Variants in DPYD observed in about 807,000 individuals in gnomAD.
The protein encoded by DPYD is dihydropyrimidine dehydrogenase [NADP(+)].
A neutral mutation model predicts 116.2 loss-of-function variants in DPYD; 109 were observed. The observed-to-expected ratio is 0.94, with a 90% CI of 0.80 to 1.10. DPYD has a LOEUF of 1.10. Ranked by LOEUF, DPYD falls within the 50% of genes least tolerant of loss-of-function variation. The pLI, the probability that DPYD is intolerant of heterozygous loss-of-function variation, is 0.00. For missense variants in DPYD, 1,302 were observed against 1,254.5 expected, an observed-to-expected ratio of 1.04 and a Z score of -0.57; for synonymous variants, 440 against 432.0, an observed-to-expected ratio of 1.02 and a Z score of -0.23.
intron 8 of DPYD, among the ~76,000 whole-genome samples, chr1:97,642,772 C>T (rs1658009421): frequency 6.7e-6 from 1 of 148,772 alleles, no homozygotes; most frequent in Admixed American, 6.7e-5. Context: ...AGGAGATATA[C>T]CTAATGCTAA....
At chr1:97,798,445 T>C (rs1031189665) in intron 3 of DPYD, among the ~76,000 whole-genome samples, 6 of 152,040 alleles carry the variant, frequency 3.9e-5, no homozygotes, top group Admixed American at 3.9e-4. Context: ...ACTCAGTGTA[T>C]GACCATGGGC....
chr1:97,804,506 A>T (rs1361320131), intron 3 of DPYD, among the ~76,000 whole-genome samples: 1 of 151,846 alleles, frequency 6.6e-6, no homozygotes, highest in African/African-American at 2.4e-5. Context: ...TAAAACATTA[A>T]TTAGACAAAT....
At chr1:97,537,198 T>C (rs1650064059) in intron 12 of DPYD, among the ~76,000 whole-genome samples, 1 of 152,252 alleles carries the variant, frequency 6.6e-6, no homozygotes, top group South Asian at 2.1e-4. Flanking sequence ...TGTTCATCTT[T>C]GTCCAGAGCA....
intron 22 of DPYD, among the ~76,000 whole-genome samples, chr1:97,082,076 A>C (rs948204993): frequency 3.3e-5 from 5 of 152,074 alleles, no homozygotes; most frequent in African/African-American, 9.7e-5. Flanking sequence ...TTTTCTCTCT[A>C]ATGTTGTGGC....
intron 16 of DPYD, among the ~76,000 whole-genome samples, chr1:97,349,466 T>A (rs1365408501): frequency 6.6e-6 from 1 of 152,050 alleles, no homozygotes; most frequent in Non-Finnish European, 1.5e-5. Flanking sequence ...ATTTAGCATT[T>A]GGTATATCTC....
chr1:97,665,045 C>T (rs114654880), intron 8 of DPYD, among the ~76,000 whole-genome samples: 3,150 of 152,106 alleles, frequency 0.021, 83 homozygotes, highest in South Asian at 0.044. Flanking sequence ...CTTTTCTAAG[C>T]CCCATATGAT....
At chr1:97,312,983 G>A (rs1237678982) in intron 16 of DPYD, among the ~76,000 whole-genome samples, 1 of 151,806 alleles carries the variant, frequency 6.6e-6, no homozygotes, top group Non-Finnish European at 1.5e-5. Flanking sequence ...TACCCTTTTG[G>A]CAAATATTTA....
intron 21 of DPYD, among the ~76,000 whole-genome samples, chr1:97,089,987 T>C (rs965693154): frequency 3.3e-5 from 5 of 152,156 alleles, no homozygotes; most frequent in Admixed American, 6.6e-5. Flanking sequence ...GTTTAATCAG[T>C]TGATCCCATT....
chr1:97,669,539 C>T (rs1397800491), intron 8 of DPYD, among the ~76,000 whole-genome samples: 1 of 152,104 alleles, frequency 6.6e-6, no homozygotes, highest in Non-Finnish European at 1.5e-5. Flanking sequence ...AATTGCATTG[C>T]TTCTAAAATA....
intron 1 of DPYD, among the ~76,000 whole-genome samples, chr1:97,905,604 C>T (rs1025291745): frequency 2.6e-5 from 4 of 152,028 alleles, no homozygotes; most frequent in African/African-American, 9.7e-5. Context: ...GGTCATTTGA[C>T]ATGATGTAGA....
chr1:97,681,015 T>C (rs1339773278), intron 7 of DPYD, among the ~76,000 whole-genome samples: 1 of 152,118 alleles, frequency 6.6e-6, no homozygotes, highest in African/African-American at 2.4e-5. Flanking sequence ...GAGCAATGTA[T>C]ACCCATGAAC....
At chr1:97,173,220 A>ATATGTGTATATATG (rs1557911256) in intron 20 of DPYD, among the ~76,000 whole-genome samples, 65 of 136,522 alleles carry the variant, frequency 4.8e-4, no homozygotes, top group Admixed American at 1.6e-3. Flanking sequence ...ATACACATAT[A>ATATGTGTATATATG]CGTACATATA....
chr1:97,307,172 CA>C (rs35192169), intron 16 of DPYD, among the ~76,000 whole-genome samples: 2 of 151,712 alleles, frequency 1.3e-5, no homozygotes, highest in African/African-American at 2.4e-5. Flanking sequence ...ACTTTTAGTG[CA>C]AAATTTATTC....
intron 14 of DPYD, among the ~76,000 whole-genome samples, chr1:97,402,099 T>C (rs552933242): frequency 1.1e-4 from 16 of 152,252 alleles, no homozygotes; most frequent in African/African-American, 3.8e-4. Flanking sequence ...TTGTGTTAGC[T>C]ATTCTGGGTC....
chr1:97,293,725 T>C (rs1157016812), intron 18 of DPYD, among the ~76,000 whole-genome samples: 1 of 152,172 alleles, frequency 6.6e-6, no homozygotes, highest in Non-Finnish European at 1.5e-5. Flanking sequence ...ATGGATCACC[T>C]GAGGTCAGGA....
intron 11 of DPYD, among the ~76,000 whole-genome samples, chr1:97,562,401 T>C (rs150494153): frequency 6.3e-4 from 96 of 152,308 alleles, no homozygotes; most frequent in Admixed American, 2.3e-3. Flanking sequence ...ACACTTACTA[T>C]GCAACATGCT....
intron 12 of DPYD, among the ~76,000 whole-genome samples, chr1:97,526,236 G>T (rs1649078369): frequency 6.6e-6 from 1 of 152,122 alleles, no homozygotes; most frequent in Non-Finnish European, 1.5e-5. Flanking sequence ...AGGCCTCCAG[G>T]AAGAGCTGGG....
At chr1:97,680,682 C>A (rs2100921087) in intron 7 of DPYD, among the ~76,000 whole-genome samples, 1 of 152,228 alleles carries the variant, frequency 6.6e-6, no homozygotes, top group Middle Eastern at 3.4e-3. Flanking sequence ...CACAGAACGT[C>A]ACAGTGATTC....
At chr1:97,467,121 A>G (rs1355403093) in intron 13 of DPYD, among the ~76,000 whole-genome samples, 8 of 152,254 alleles carry the variant, frequency 5.3e-5, no homozygotes, top group East Asian at 1.9e-4. Context: ...TCGTTCTCTC[A>G]TAGAAACTAA....
Sources: gnomAD v4.1 joint callset for allele counts (sites outside exome capture counted in the v4.1 genomes callset) on GRCh38, gnomAD v4.1.1 for gene constraint, MANE v1.5 for transcripts, NCBI Gene and HGNC (gene_info 2026-07-23, HGNC 2026-07-21) for gene names.